The following PLCE1 variants were observed in gnomAD, a reference collection of about 807,000 sequenced individuals.
The protein encoded by PLCE1 is 1-phosphatidylinositol 4,5-bisphosphate phosphodiesterase epsilon-1.
Under a neutral mutation model 242.8 loss-of-function variants are expected in PLCE1, and 119 were observed. That is an observed-to-expected ratio of 0.49 (90% CI 0.42 to 0.57). The LOEUF is 0.57. PLCE1 is among the 20% of genes least tolerant of loss of function. The pLI, the probability that PLCE1 is intolerant of heterozygous loss-of-function variation, is 0.00. For synonymous variants in PLCE1, 945 were observed against 1,017.4 expected (o/e 0.93, Z 1.35); for missense variants, 2,441 against 2,788.8 (o/e 0.88, Z 2.81).
intron 11 of PLCE1, among the ~76,000 whole-genome samples, chr10:94,256,697 C>T (rs540269231): frequency 7.2e-5 from 11 of 152,040 alleles, no homozygotes; most frequent in South Asian, 4.2e-4. Context: ...AAAGAAAGGA[C>T]GAAGTAAGGG....
chr10:94,232,342 C>T (rs879575670), intron 5 of PLCE1, among the ~76,000 whole-genome samples: 12 of 152,310 alleles, frequency 7.9e-5, no homozygotes, highest in Admixed American at 1.3e-4. Context: ...CCCTTCCTTA[C>T]GTTTCACAAC....
chr10:94,103,410 C>A, intron 2 of PLCE1, among the ~76,000 whole-genome samples: 1 of 152,168 alleles, frequency 6.6e-6, no homozygotes, highest in East Asian at 1.9e-4. Context: ...TTCAAGAGAG[C>A]AATCATTGTA....
chr10:94,235,000 CG>C (rs2050266298), intron 6 of PLCE1, among the ~76,000 whole-genome samples: 2 of 151,194 alleles, frequency 1.3e-5, no homozygotes, highest in Admixed American at 6.6e-5. Context: ...AGTCCCTTAC[CG>C]GGGACCAAAC....
intron 22 of PLCE1, among the ~76,000 whole-genome samples, chr10:94,292,639 A>G (rs1358243936): frequency 1.3e-5 from 2 of 152,202 alleles, no homozygotes; most frequent in Non-Finnish European, 2.9e-5. Flanking sequence ...GTCTCACTCC[A>G]AAGTCTATGC....
At chr10:94,034,447 T>C (rs1284644554) in intron 2 of PLCE1, among the ~76,000 whole-genome samples, 1 of 152,220 alleles carries the variant, frequency 6.6e-6, no homozygotes, top group African/African-American at 2.4e-5. Context: ...TCCTGAGAAA[T>C]TATGTACCTC....
intron 13 of PLCE1, 109 bp from the exon 14 acceptor site, chr10:94,262,385 A>G (rs1234300234): frequency 5.0e-6 from 4 of 807,672 alleles, no homozygotes; most frequent in Non-Finnish European, 2.2e-6. Context: ...GTTTAGGTAC[A>G]TTAGTAAAGA....
chr10:94,009,040 G>T (rs987837412), intron 1 of PLCE1, among the ~76,000 whole-genome samples: 2 of 152,098 alleles, frequency 1.3e-5, no homozygotes, highest in Admixed American at 1.3e-4. Flanking sequence ...TAGTCTTCTC[G>T]TGAATTGCTA....
intron 19 of PLCE1, among the ~76,000 whole-genome samples, chr10:94,277,373 C>T (rs1051536753): frequency 5.9e-5 from 9 of 152,122 alleles, no homozygotes; most frequent in African/African-American, 7.2e-5. Context: ...AACCTATATC[C>T]GAGTTACTTT....
chr10:94,005,075 CT>C (rs2061007465), intron 1 of PLCE1, among the ~76,000 whole-genome samples: 1 of 152,192 alleles, frequency 6.6e-6, no homozygotes, highest in African/African-American at 2.4e-5. Context: ...CTGGTGTTTT[CT>C]TTTGCTAAAC....
intron 16 of PLCE1, 103 bp downstream of exon 16, chr10:94,266,061 T>C (rs1314604654): frequency 9.9e-7 from 1 of 1,012,468 alleles, no homozygotes; most frequent in Non-Finnish European, 1.5e-6. Context: ...GAAGAGCTTA[T>C]AGAGTAAGCT....
chr10:94,132,378 C>T lies in PLCE1; in HGVS notation c.1411C>T (p.Leu471=), dbSNP rs575908537. ...ATCGCAGTACATCACCGGTTCTCTC[C>T]TAGAAGCAACCACGTCTTTGGGAGC... The part of the protein sequence containing the change: ...SISQYITGSL[L]EATTSLGARS... The change falls in exon 3 of 33, where the codon CTA becomes TTA. Residue 471 remains leucine, a synonymous_variant. Transcript: ENST00000371380. 1.9e-5 allele frequency: 30 copies of T among 1,614,020 alleles called. No individual in the cohort carries two copies. Among genetic ancestry groups the T allele is most frequent in the Non-Finnish European group, 2.5e-5 (30 of 1,179,996 alleles).
chr10:94,161,421 A>G (rs972817173), intron 3 of PLCE1, among the ~76,000 whole-genome samples: 12 of 152,178 alleles, frequency 7.9e-5, no homozygotes, highest in South Asian at 2.1e-4. Flanking sequence ...CTTTGTAGCA[A>G]TTGTGAATGG....
At chr10:94,085,466 A>G (rs1434977577) in intron 2 of PLCE1, among the ~76,000 whole-genome samples, 2 of 151,992 alleles carry the variant, frequency 1.3e-5, no homozygotes, top group Admixed American at 1.3e-4. Context: ...GGCAGTCCAT[A>G]TTTTGGAATG....
At chr10:94,048,578 G>T (rs1305786304) in intron 2 of PLCE1, among the ~76,000 whole-genome samples, 2 of 150,978 alleles carry the variant, frequency 1.3e-5, no homozygotes, top group African/African-American at 4.9e-5. Flanking sequence ...TGTAGTTTTT[G>T]TGTGTGTAAA....
rs981294689 is a variant in PLCE1, at chr10:94,298,627, C to T, written c.5416C>T (p.Leu1806Phe). Residue 1806 changes from leucine to phenylalanine, a missense_variant, in exon 24 of 33, where the codon CTC becomes TTC. Transcript: ENST00000371380. The surrounding 1 kb of genome is among the most constrained non-coding windows in gnomAD (Gnocchi z 5.2). ...SSNPNPLMFWLHGIQLVALNY... is the reference protein window; with the variant it reads ...SSNPNPLMFWFHGIQLVALNY... ...CAACCCGAACCCCCTCATGTTCTGG[C>T]TCCATGGGATACAGCTTGTGGCACT... The T allele has an allele frequency of 1.6e-5, 26 of 1,614,162 alleles. No homozygotes were observed. Among genetic ancestry groups the T allele is most frequent in the Non-Finnish European group, 1.8e-5 (21 of 1,180,018 alleles).
chr10:94,278,137 A>G (rs910267676), intron 19 of PLCE1, among the ~76,000 whole-genome samples: 1 of 152,248 alleles, frequency 6.6e-6, no homozygotes, highest in Non-Finnish European at 1.5e-5. Flanking sequence ...TTCATTATAA[A>G]GGTAATATAA....
At chr10:94,255,323 T>C (rs901327323) in intron 11 of PLCE1, among the ~76,000 whole-genome samples, 6 of 152,308 alleles carry the variant, frequency 3.9e-5, no homozygotes, top group African/African-American at 1.4e-4. Flanking sequence ...ACTAACTAGA[T>C]GTGGGTATTT....
chr10:94,309,497 A>G (rs2053314425), intron 27 of PLCE1, among the ~76,000 whole-genome samples: 1 of 151,910 alleles, frequency 6.6e-6, no homozygotes, highest in Non-Finnish European at 1.5e-5. Flanking sequence ...TGCCCAGATA[A>G]TGTTTTTCTA....
intron 3 of PLCE1, among the ~76,000 whole-genome samples, chr10:94,153,629 G>A (rs1475359000): frequency 6.6e-6 from 1 of 152,092 alleles, no homozygotes; most frequent in Non-Finnish European, 1.5e-5. Flanking sequence ...TCTACTCAAA[G>A]ATAGACAATC....
Sources: gnomAD v4.1 joint callset for allele counts (sites outside exome capture counted in the v4.1 genomes callset) on GRCh38, gnomAD v4.1.1 for gene constraint, Gnocchi (gnomAD v3.1) non-coding constraint, MANE v1.5 for transcripts, NCBI Gene and HGNC (gene_info 2026-07-23, HGNC 2026-07-21) for gene names.